The following MAT1A variants were observed in gnomAD, a reference collection of about 807,000 sequenced individuals.
The protein encoded by MAT1A is S-adenosylmethionine synthase isoform type-1.
MAT1A carries 19 observed loss-of-function variants against 44.0 expected under a neutral mutation model. That is an observed-to-expected ratio of 0.43 (90% CI 0.30 to 0.63). MAT1A has a LOEUF of 0.63. Among genes scored for constraint, MAT1A ranks in the 30% least tolerant of loss-of-function variants. MAT1A has a pLI of 0.12. For synonymous variants in MAT1A, 205 were observed against 205.6 expected (o/e 1.00, Z 0.03); for missense variants, 397 against 531.0 (o/e 0.75, Z 2.48).
rs1481783985 is a variant in MAT1A at position 80,283,948 on chromosome 10, A to C, written c.260T>G (p.Ile87Ser). The C allele has an allele frequency of 4.3e-6, 7 of 1,614,052 alleles. No homozygotes were observed. Among genetic ancestry groups the C allele is most frequent in the Non-Finnish European group, 5.9e-6 (7 of 1,180,030 alleles). ...VDYQRVVRDT[I>S]KHIGYDDSAK... ...TGAGTCATCGTAGCCGATGTGCTTG[A>C]TGGTGTCCCTCACCACCCGCTGGTA... The change falls in exon 3 of 9, where the codon ATC becomes AGC. Residue 87 changes from isoleucine to serine, a missense_variant. Physicochemically the swap from Ile to Ser is moderately radical, Grantham distance 142. Transcript: ENST00000372213.
In MAT1A at chr10:80,284,015, C is replaced by T; in HGVS notation, c.193G>A (p.Val65Met). 6.2e-7 allele frequency: 1 copy of T among 1,614,158 alleles called. No homozygotes were observed. Among genetic ancestry groups the T allele is most frequent in the Non-Finnish European group, 8.5e-7 (1 of 1,180,012 alleles). Residue 65 changes from valine to methionine, a missense_variant, in exon 3 of 9, where the codon GTG (valine) becomes ATG (methionine). Coordinates refer to ENST00000372213, the MANE Select transcript of MAT1A (RefSeq NM_000429.3). ...GAGGTGATCTCACCACACAGCAGCACCATGCCGGTCTTGCACACTGTCTCT... is the reference window on the plus strand; with the variant it reads ...GAGGTGATCTCACCACACAGCAGCATCATGCCGGTCTTGCACACTGTCTCT... ...ACETVCKTGM[V>M]LLCGEITSMA...
chr10:80,274,563 C>A lies in MAT1A; in HGVS notation c.1042G>T (p.Val348Leu). 1 of 1,614,216 alleles carries A rather than the reference C, an allele frequency of 6.2e-7. No homozygotes were observed. Among genetic ancestry groups the A allele is most frequent in the Admixed American group, 1.7e-5 (1 of 60,026 alleles). ...SQKTERELLD[V>L]VHKNFDLRPG... ...CGGAGGTCGAAGTTCTTATGCACCA[C>A]ATCCAGCAGCTCTCGCTCTGTCTTC... is the stretch of plus-strand genomic sequence containing the variant. Residue 348 changes from valine to leucine, a missense_variant, in exon 8 of 9, where the codon GTG (valine) becomes TTG (leucine). By Grantham distance (32) the Val-to-Leu change is conservative. Transcript: ENST00000372213.
chr10:80,279,685 GA>G (rs1841533836), intron 5 of MAT1A, among the ~76,000 whole-genome samples: 1 of 151,956 alleles, frequency 6.6e-6, no homozygotes, highest in African/African-American at 2.4e-5. Context: ...GGAAACAACA[GA>G]CGTAAAGCCT....
intron 1 of MAT1A, among the ~76,000 whole-genome samples, chr10:80,287,138 G>A (rs968327019): frequency 1.3e-5 from 2 of 152,218 alleles, no homozygotes; most frequent in Non-Finnish European, 2.9e-5. Context: ...ATCATTGATT[G>A]TGAATGTCTC....
At chr10:80,284,145 C>T (rs747760597) in intron 2 of MAT1A, 107 bp from the exon 3 acceptor site, 2 of 1,432,792 alleles carry the variant, frequency 1.4e-6, no homozygotes, top group Non-Finnish European at 9.6e-7. Flanking sequence ...CAGGAGGGGC[C>T]TTACGAGGAA....
intron 2 of MAT1A, among the ~76,000 whole-genome samples, chr10:80,285,151 G>A (rs1197929948): frequency 6.6e-6 from 1 of 152,148 alleles, no homozygotes; most frequent in Non-Finnish European, 1.5e-5. Context: ...AGCTACCTGT[G>A]TTTCAAGCTC....
chr10:80,285,242 T>C (rs1841633106), intron 2 of MAT1A, among the ~76,000 whole-genome samples: 1 of 152,214 alleles, frequency 6.6e-6, no homozygotes, highest in African/African-American at 2.4e-5. Flanking sequence ...AGAAAGGCCA[T>C]GTGCTGGTCC....
chr10:80,288,586 A>T (rs1370473280), intron 1 of MAT1A, among the ~76,000 whole-genome samples: 1 of 152,172 alleles, frequency 6.6e-6, no homozygotes, highest in African/African-American at 2.4e-5. Flanking sequence ...CCTGTTTAGA[A>T]GGTCTTCTAT....
intron 4 of MAT1A, 141 bp from the exon 5 acceptor site, chr10:80,280,457 A>G: frequency 8.6e-7 from 1 of 1,165,168 alleles, no homozygotes; most frequent in Non-Finnish European, 1.2e-6. Context: ...GTGCAGGGGA[A>G]GGACGTCATC....
chr10:80,285,360 C>T (rs1359122757), intron 2 of MAT1A, 152 bp downstream of exon 2: 2 of 694,316 alleles, frequency 2.9e-6, no homozygotes, highest in African/African-American at 1.8e-5. Flanking sequence ...TGTTACTACA[C>T]AGGGGAGGTC....
At chr10:80,280,828 G>A (rs565515184) in intron 3 of MAT1A, 36 bp from the exon 4 acceptor site, 3 of 1,504,036 alleles carry the variant, frequency 2.0e-6, no homozygotes, top group South Asian at 1.1e-5. Context: ...GTGGGGAACA[G>A]GTCAGAAGGA....
At chr10:80,284,149 C>G (rs924784591) in intron 2 of MAT1A, 111 bp from the exon 3 acceptor site, 100 of 1,389,966 alleles carry the variant, frequency 7.2e-5, no homozygotes, top group Admixed American at 3.1e-4. Context: ...AGGGGCCTTA[C>G]GAGGAATGGA....
intron 5 of MAT1A, among the ~76,000 whole-genome samples, chr10:80,276,925 C>G (rs1841496340): frequency 6.6e-6 from 1 of 152,228 alleles, no homozygotes; most frequent in Admixed American, 6.5e-5. Context: ...CAAATGTCCC[C>G]CTGGCCAAAG....
intron 3 of MAT1A, among the ~76,000 whole-genome samples, chr10:80,282,931 T>C (rs1351884902): frequency 1.3e-5 from 2 of 152,192 alleles, no homozygotes; most frequent in Non-Finnish European, 2.9e-5. Context: ...TGCATCTTGA[T>C]TACAGGTGTA....
intron 5 of MAT1A, among the ~76,000 whole-genome samples, chr10:80,278,006 G>A (rs998519327): frequency 7.9e-5 from 12 of 152,236 alleles, no homozygotes; most frequent in Admixed American, 4.6e-4. Flanking sequence ...AACAGGGTGC[G>A]GAGCAGGGGA....
At chr10:80,276,052 T>TGCACCAGAGCAGGGTGAGGTGCA (rs1483425362) in intron 6 of MAT1A, among the ~76,000 whole-genome samples, 2 of 152,206 alleles carry the variant, frequency 1.3e-5, no homozygotes, top group Non-Finnish European at 2.9e-5. Context: ...GTGGGGAATG[T>TGCACCAGAGCAGGGTGAGGTGCA]GCACCAGAGC....
At chr10:80,286,142 C>T (rs1841647996) in intron 1 of MAT1A, among the ~76,000 whole-genome samples, 6 of 152,118 alleles carry the variant, frequency 3.9e-5, no homozygotes, top group Admixed American at 3.9e-4. Flanking sequence ...ATCAGCTCTT[C>T]TAGGAGTCTA....
chr10:80,288,151 G>A (rs1046195549), intron 1 of MAT1A, among the ~76,000 whole-genome samples: 4 of 152,178 alleles, frequency 2.6e-5, no homozygotes, highest in Admixed American at 6.5e-5. Context: ...CTTTGAGGAA[G>A]AACAAGAGCA....
At chr10:80,285,697 A>G (rs1841641029) in intron 1 of MAT1A, 108 bp from the exon 2 acceptor site, 2 of 760,828 alleles carry the variant, frequency 2.6e-6, no homozygotes, top group Middle Eastern at 2.3e-4. Context: ...CAACTTATCT[A>G]CCAGAGGGAA....
Sources: gnomAD v4.1 joint callset for allele counts (sites outside exome capture counted in the v4.1 genomes callset) on GRCh38, gnomAD v4.1.1 for gene constraint, MANE v1.5 for transcripts, NCBI Gene and HGNC (gene_info 2026-07-23, HGNC 2026-07-21) for gene names.